Variants in CCDC6 observed in about 807,000 individuals in gnomAD.
CCDC6 encodes the protein coiled-coil domain containing 6.
In CCDC6, 20 loss-of-function variants were observed where a neutral mutation model predicts 56.6. The ratio of observed to expected loss-of-function variants is 0.35; its 90% confidence interval spans 0.25 to 0.51. CCDC6 has a LOEUF of 0.51. Ranked by LOEUF, CCDC6 falls within the 20% of genes least tolerant of loss-of-function variation. The pLI, the probability that CCDC6 is intolerant of heterozygous loss-of-function variation, is 0.95. For missense variants in CCDC6, 367 were observed against 601.1 expected, an observed-to-expected ratio of 0.61 and a Z score of 4.07; for synonymous variants, 241 against 234.4, an observed-to-expected ratio of 1.03 and a Z score of -0.26.
At chr10:59,807,104 A>G (rs776457692) in intron 5 of CCDC6, 26 bp from the exon 6 acceptor site, 1 of 1,608,584 alleles carries the variant, frequency 6.2e-7, no homozygotes, top group South Asian at 1.1e-5. Context: ...TTTCAATTAA[A>G]CCATGTTTCA....
intron 1 of CCDC6, among the ~76,000 whole-genome samples, chr10:59,883,816 T>C (rs1021519070): frequency 6.6e-5 from 10 of 152,212 alleles, no homozygotes; most frequent in Admixed American, 2.0e-4. Flanking sequence ...GGGTAGAGCC[T>C]GCTTTAAGAA....
chr10:59,881,227 C>T (rs1564755529), intron 1 of CCDC6, among the ~76,000 whole-genome samples: 2 of 152,098 alleles, frequency 1.3e-5, no homozygotes, highest in Non-Finnish European at 1.5e-5. Context: ...TTCCTGGGCC[C>T]CTGATACTGA....
At position 59,906,302 on chromosome 10, in the gene CCDC6, GCCGCCTCCC is replaced by G; in HGVS notation, c.114_122del (p.Gly42_Gly44del). The G allele has an allele frequency of 1.2e-6, 2 of 1,601,690 alleles. No individual in the cohort carries two copies. The highest frequency in any genetic ancestry group is 1.1e-5 in the South Asian group (1 of 90,900). On this transcript the variant is annotated inframe_deletion, in exon 1 of 9. Coordinates refer to ENST00000263102, the MANE Select transcript of CCDC6 (RefSeq NM_005436.5). The stretch of plus-strand genomic sequence containing the variant: ...CAATGCCCCCCGACTTCCCACCGCC[GCCGCCTCCC>G]CCGCCGCCACCGCCGCCGCCCGAGG...
chr10:59,846,977 C>T (rs1370683540), intron 2 of CCDC6, among the ~76,000 whole-genome samples: 1 of 152,210 alleles, frequency 6.6e-6, no homozygotes, highest in East Asian at 1.9e-4. Context: ...CATGATCAAT[C>T]TCAGTGTCTG....
intron 2 of CCDC6, among the ~76,000 whole-genome samples, chr10:59,848,916 T>C (rs905855785): frequency 3.9e-5 from 6 of 152,194 alleles, no homozygotes; most frequent in Admixed American, 1.3e-4. Flanking sequence ...GGTCTCGCCA[T>C]GTTGGCCAGG....
chr10:59,904,401 C>T (rs536831117), intron 1 of CCDC6, among the ~76,000 whole-genome samples: 1 of 152,294 alleles, frequency 6.6e-6, no homozygotes, highest in Admixed American at 6.5e-5. Context: ...CTCATTCCTC[C>T]CTCCCAAACA....
intron 2 of CCDC6, among the ~76,000 whole-genome samples, chr10:59,843,310 G>GT (rs1256755479): frequency 4.6e-5 from 7 of 152,204 alleles, no homozygotes; most frequent in Admixed American, 4.6e-4. Context: ...ACAGAAGACA[G>GT]TTTTCTTTTT....
intron 4 of CCDC6, among the ~76,000 whole-genome samples, chr10:59,813,499 T>C (rs2070689387): frequency 2.0e-5 from 3 of 152,232 alleles, no homozygotes; most frequent in Admixed American, 2.0e-4. Flanking sequence ...TTGGCACTAA[T>C]ACATGTAAAA....
intron 2 of CCDC6, among the ~76,000 whole-genome samples, chr10:59,837,204 TC>T (rs1293597924): frequency 1.3e-5 from 2 of 152,014 alleles, no homozygotes; most frequent in Non-Finnish European, 2.9e-5. Flanking sequence ...CTCAATAAAT[TC>T]TTTCTAGCAG....
chr10:59,891,963 G>T (rs2071425431), intron 1 of CCDC6, among the ~76,000 whole-genome samples: 1 of 152,228 alleles, frequency 6.6e-6, no homozygotes, highest in Non-Finnish European at 1.5e-5. Context: ...CACTTGAGGA[G>T]TCCTTGGCAG....
intron 1 of CCDC6, among the ~76,000 whole-genome samples, chr10:59,886,075 G>C (rs1171814): frequency 6.6e-6 from 1 of 151,978 alleles, no homozygotes; most frequent in Admixed American, 6.5e-5. Context: ...TAATATCTGT[G>C]AGATGAACAA....
chr10:59,874,372 C>A (rs1259836840), intron 1 of CCDC6, among the ~76,000 whole-genome samples: 1 of 152,150 alleles, frequency 6.6e-6, no homozygotes, highest in African/African-American at 2.4e-5. Context: ...TTAAAATTAT[C>A]ACATTGAAAT....
chr10:59,822,914 C>T (rs943384850), intron 3 of CCDC6, among the ~76,000 whole-genome samples: 2 of 151,956 alleles, frequency 1.3e-5, no homozygotes, highest in African/African-American at 4.8e-5. Flanking sequence ...AAAAAACAAC[C>T]CCAGACTCAG....
intron 2 of CCDC6, among the ~76,000 whole-genome samples, chr10:59,847,223 T>A: frequency 6.6e-6 from 1 of 152,044 alleles, no homozygotes; most frequent in East Asian, 1.9e-4. Context: ...GGGCTGATTT[T>A]TTTGTATTTT....
At chr10:59,802,715 G>C (rs1346236897) in intron 7 of CCDC6, among the ~76,000 whole-genome samples, 1 of 152,182 alleles carries the variant, frequency 6.6e-6, no homozygotes, top group East Asian at 1.9e-4. Context: ...TATGGGAACA[G>C]GTACAGTGAA....
At chr10:59,814,887 C>T in intron 3 of CCDC6, 132 bp from the exon 4 acceptor site, 1 of 627,098 alleles carries the variant, frequency 1.6e-6, no homozygotes, top group South Asian at 1.9e-5. Context: ...CTGGCACAAA[C>T]ATATTAAGTG....
intron 1 of CCDC6, among the ~76,000 whole-genome samples, chr10:59,893,622 ACATAC>A (rs2132683989): frequency 2.8e-5 from 1 of 35,974 alleles, no homozygotes; most frequent in East Asian, 1.7e-3. Flanking sequence ...ACAAATACAT[ACATAC>A]ATACATACAT....
intron 5 of CCDC6, among the ~76,000 whole-genome samples, chr10:59,812,423 A>G (rs1447431497): frequency 6.6e-6 from 1 of 151,742 alleles, no homozygotes; most frequent in Non-Finnish European, 1.5e-5. Flanking sequence ...TATTTTCTGG[A>G]AGTATTCTAA....
chr10:59,831,442 C>A lies in CCDC6; in HGVS notation c.582+1083G>T, dbSNP rs1221308877. Among the ~76,000 whole-genome samples the A allele has an allele frequency of 3.3e-5, 5 of 152,166 alleles. No homozygotes were observed. In the East Asian group the frequency reaches 9.6e-4, roughly 29 times the overall value. On this transcript the variant is annotated intron_variant, in intron 3 of 8. Coordinates refer to ENST00000263102, the MANE Select transcript of CCDC6 (RefSeq NM_005436.5). ...TGCAGCACGATCACTGTTTCATTCT[C>A]AGGTAAAATATTCAAACGAGAGCGG...
Sources: allele counts gnomAD v4.1 joint callset (sites outside exome capture counted in the v4.1 genomes callset), GRCh38; gene constraint gnomAD v4.1.1; transcripts MANE v1.5; gene names NCBI Gene and HGNC (gene_info 2026-07-23, HGNC 2026-07-21).